Variants in PKIG observed in about 807,000 individuals in gnomAD.
PKIG encodes cAMP-dependent protein kinase inhibitor gamma.
PKIG carries 1 observed loss-of-function variant against 6.8 expected under a neutral mutation model. That is an observed-to-expected ratio of 0.15 (90% confidence interval 0.05 to 0.69). The LOEUF (loss-of-function observed/expected upper bound fraction) is 0.69. Among genes scored for constraint, PKIG ranks in the 30% least tolerant of loss-of-function variants. The probability of loss-of-function intolerance (pLI) is 0.82; values close to 1 mark genes in which losing one functional copy is unlikely to be tolerated. For synonymous variants in PKIG, 39 were observed against 43.0 expected (o/e 0.91, Z 0.36); for missense variants, 77 against 104.0 (o/e 0.74, Z 1.13).
At chr20:44,570,811 G>A (rs907160976) in intron 1 of PKIG, among the ~76,000 whole-genome samples, 2 of 152,164 alleles carry the variant, frequency 1.3e-5, no homozygotes, top group African/African-American at 4.8e-5. Flanking sequence ...ATAGGTAGAT[G>A]GGTGGTTATT....
At chr20:44,608,527 G>C (rs2075032082) in intron 2 of PKIG, among the ~76,000 whole-genome samples, 1 of 152,190 alleles carries the variant, frequency 6.6e-6, no homozygotes, top group South Asian at 2.1e-4. Flanking sequence ...TGTGGGCCAG[G>C]CGCAGTGGCT....
At chr20:44,533,267 T>C (rs1568798648) in intron 1 of PKIG, among the ~76,000 whole-genome samples, 1 of 152,126 alleles carries the variant, frequency 6.6e-6, no homozygotes, top group Non-Finnish European at 1.5e-5. Context: ...TGGGCTCAAG[T>C]GATCCTCCTG....
chr20:44,561,806 A>C (rs2064769678), intron 1 of PKIG, among the ~76,000 whole-genome samples: 1 of 152,178 alleles, frequency 6.6e-6, no homozygotes, highest in Non-Finnish European at 1.5e-5. Flanking sequence ...TGGAGCAAGA[A>C]TGGTGCAGAA....
intron 3 of PKIG, 121 bp from the exon 4 acceptor site, chr20:44,618,164 G>T: frequency 1.8e-6 from 1 of 544,052 alleles, no homozygotes; most frequent in Middle Eastern, 3.7e-4. Context: ...TCCAGCTCCA[G>T]CTCGTCTTGC....
At chr20:44,600,477 G>A (rs1234622435) in intron 2 of PKIG, among the ~76,000 whole-genome samples, 15 of 152,114 alleles carry the variant, frequency 9.9e-5, no homozygotes. Context: ...GAGTCCTGGT[G>A]AGACATTCCG....
rs373184317 is a variant in PKIG, at chr20:44,554,244, A to AT, written c.-241+22276dup. Among the ~76,000 whole-genome samples, 12 of 149,248 alleles carry AT rather than the reference A, an allele frequency of 8.0e-5. No homozygotes were observed. The South Asian group carries it at 8.5e-4, about 11-fold the overall frequency. On this transcript the variant is annotated intron_variant, in intron 1 of 4. Coordinates refer to the PKIG transcript ENST00000372887. ...AGGCACACACCACCATGCCTGGCTA[A>AT]TTTTTTTTTTGTATTTTTAGTAGAG...
chr20:44,545,472 T>A (rs1174741332), intron 1 of PKIG, among the ~76,000 whole-genome samples: 2 of 152,160 alleles, frequency 1.3e-5, no homozygotes, highest in African/African-American at 4.8e-5. Flanking sequence ...AAAAATATTT[T>A]TGTCAAATTA....
chr20:44,532,395 T>G (rs551254992), intron 1 of PKIG, among the ~76,000 whole-genome samples: 4 of 152,328 alleles, frequency 2.6e-5, no homozygotes, highest in South Asian at 4.1e-4. Context: ...ATGACGTTAT[T>G]ACAAGGTAAA....
At chr20:44,600,890 G>A (rs868301229) in intron 2 of PKIG, among the ~76,000 whole-genome samples, 3 of 152,144 alleles carry the variant, frequency 2.0e-5, no homozygotes, top group South Asian at 2.1e-4. Context: ...CAAATGACAC[G>A]CTCAATAGGC....
intron 2 of PKIG, among the ~76,000 whole-genome samples, chr20:44,603,866 G>A (rs2065142700): frequency 6.6e-6 from 1 of 152,158 alleles, no homozygotes; most frequent in South Asian, 2.1e-4. Flanking sequence ...GGGCATATTA[G>A]TAATCATATA....
intron 1 of PKIG, among the ~76,000 whole-genome samples, chr20:44,538,397 C>T (rs1474186621): frequency 1.3e-5 from 2 of 152,136 alleles, no homozygotes; most frequent in Non-Finnish European, 2.9e-5. Flanking sequence ...CTAATAAGTC[C>T]TGGAGTTTGA....
intron 2 of PKIG, among the ~76,000 whole-genome samples, chr20:44,593,408 C>T (rs2065050474): frequency 7.3e-6 from 1 of 137,032 alleles, no homozygotes; most frequent in Non-Finnish European, 1.6e-5. Context: ...CACACACACA[C>T]ACACGACTAT....
At chr20:44,601,893 G>T (rs2065124159) in intron 2 of PKIG, among the ~76,000 whole-genome samples, 1 of 152,250 alleles carries the variant, frequency 6.6e-6, no homozygotes, top group Non-Finnish European at 1.5e-5. Flanking sequence ...AGACCATGTA[G>T]CTCTTGGCAG....
intron 1 of PKIG, among the ~76,000 whole-genome samples, chr20:44,551,313 C>T (rs1280141163): frequency 6.6e-6 from 1 of 152,186 alleles, no homozygotes; most frequent in African/African-American, 2.4e-5. Flanking sequence ...CTCGGCCTCC[C>T]AAAGTGCTGG....
chr20:44,555,593 A>C (rs1001283271), intron 1 of PKIG, among the ~76,000 whole-genome samples: 1 of 152,194 alleles, frequency 6.6e-6, no homozygotes, highest in Non-Finnish European at 1.5e-5. Context: ...CTTTGTTGAT[A>C]CTTGAGGATT....
At chr20:44,536,808 C>T (rs1236117669) in intron 1 of PKIG, among the ~76,000 whole-genome samples, 2 of 152,218 alleles carry the variant, frequency 1.3e-5, no homozygotes, top group African/African-American at 4.8e-5. Flanking sequence ...TATACTTGAA[C>T]TTCTGTTAAT....
chr20:44,536,299 A>G (rs576540409), intron 1 of PKIG, among the ~76,000 whole-genome samples: 1 of 152,326 alleles, frequency 6.6e-6, no homozygotes, highest in South Asian at 2.1e-4. Context: ...TAAGCTGTTT[A>G]TGAGATCATG....
chr20:44,584,813 G>A (rs61509495), intron 1 of PKIG, among the ~76,000 whole-genome samples: 36 of 151,102 alleles, frequency 2.4e-4, no homozygotes, highest in African/African-American at 7.5e-4. Flanking sequence ...TCCACCTCCC[G>A]TTTTTGTTCA....
At chr20:44,607,123 A>G (rs912293304) in intron 2 of PKIG, among the ~76,000 whole-genome samples, 6 of 152,192 alleles carry the variant, frequency 3.9e-5, no homozygotes, top group Non-Finnish European at 5.9e-5. Flanking sequence ...TGAGGTGGCA[A>G]TTCCACTTTT....
Sources: gnomAD v4.1 joint callset for allele counts (sites outside exome capture counted in the v4.1 genomes callset) on GRCh38, gnomAD v4.1.1 for gene constraint, MANE v1.5 for transcripts, NCBI Gene and HGNC (gene_info 2026-07-23, HGNC 2026-07-21) for gene names.